LPGAT1: variants seen among roughly 807,000 people sequenced by gnomAD.
The protein encoded by LPGAT1 is lysophosphatidylglycerol acyltransferase 1.
In LPGAT1, 11 loss-of-function variants were observed where a neutral mutation model predicts 47.5. That is an observed-to-expected ratio of 0.23 (90% CI 0.15 to 0.38). The LOEUF is 0.38. Among genes scored for constraint, LPGAT1 ranks in the 10% least tolerant of loss-of-function variants. LPGAT1 has a pLI of 1.00. For synonymous variants in LPGAT1, 138 were observed against 144.2 expected, an observed-to-expected ratio of 0.96 and a Z score of 0.31; for missense variants, 293 against 439.0, an observed-to-expected ratio of 0.67 and a Z score of 2.97.
intron 4 of LPGAT1, 135 bp from the exon 5 acceptor site, chr1:211,783,637 C>A: frequency 3.0e-6 from 2 of 666,302 alleles, no homozygotes; most frequent in Non-Finnish European, 4.6e-6. Flanking sequence ...CCCACCCCAA[C>A]TTACTGCCCT....
intron 2 of LPGAT1, among the ~76,000 whole-genome samples, chr1:211,820,359 A>G (rs1310775633): frequency 6.6e-6 from 1 of 152,196 alleles, no homozygotes; most frequent in Non-Finnish European, 1.5e-5. Flanking sequence ...CTGTCAGAGT[A>G]CACTAAAAAA....
At chr1:211,759,458 A>G (rs879496006) in intron 6 of LPGAT1, among the ~76,000 whole-genome samples, 3 of 152,186 alleles carry the variant, frequency 2.0e-5, no homozygotes, top group Non-Finnish European at 4.4e-5. Flanking sequence ...TGTAGTTAAC[A>G]GTGTTTTCAA....
At chr1:211,813,061 A>G (rs1026447729) in intron 2 of LPGAT1, among the ~76,000 whole-genome samples, 5 of 152,230 alleles carry the variant, frequency 3.3e-5, no homozygotes, top group African/African-American at 1.2e-4. Context: ...TAAAAGAACT[A>G]CCACTGCAGA....
At chr1:211,759,273 G>GT (rs529927493) in intron 6 of LPGAT1, among the ~76,000 whole-genome samples, 1 of 151,188 alleles carries the variant, frequency 6.6e-6, no homozygotes, top group African/African-American at 2.4e-5. Context: ...TTTTGTTTTG[G>GT]TTTTTTTAGA....
chr1:211,784,864 T>C (rs985090171), intron 4 of LPGAT1, among the ~76,000 whole-genome samples: 15 of 148,824 alleles, frequency 1.0e-4, no homozygotes, highest in South Asian at 4.2e-4. Flanking sequence ...AGTGCAGTGG[T>C]GCGATCTCGG....
rs908758083 is a variant in LPGAT1 at position 211,745,209 on chromosome 1, C to T, written c.*4690G>A. On this transcript the variant is annotated 3_prime_UTR_variant, in exon 8 of 8. Coordinates refer to ENST00000366997, the MANE Select transcript of LPGAT1 (RefSeq NM_014873.3). Reference sequence around the variant, plus strand: ...AGCCTTTACATTCATTCTTATCACACGTTACAACATGCAGATAACACAAAG... The same window carrying T: ...AGCCTTTACATTCATTCTTATCACATGTTACAACATGCAGATAACACAAAG... 2.6e-5 allele frequency: 4 copies of T among 152,632 alleles called. No individual in the cohort carries two copies. Among genetic ancestry groups the T allele is most frequent in the East Asian group, 1.9e-4 (1 of 5,190 alleles). 9.5% of individuals were successfully genotyped at this position (152,632 alleles called of 1,614,324 possible).
At chr1:211,829,384 C>G in intron 1 of LPGAT1, 61 bp from the exon 2 acceptor site, 1 of 1,576,168 alleles carries the variant, frequency 6.3e-7, no homozygotes. Flanking sequence ...TAAACAGTCA[C>G]CAACATAGAA....
chr1:211,812,166 G>A (rs778245706), intron 2 of LPGAT1, among the ~76,000 whole-genome samples: 11 of 152,234 alleles, frequency 7.2e-5, no homozygotes, highest in Non-Finnish European at 1.3e-4. Context: ...GGTTATCTGT[G>A]TTGGCACAGA....
At chr1:211,810,484 T>C (rs905623571) in intron 2 of LPGAT1, among the ~76,000 whole-genome samples, 1 of 152,200 alleles carries the variant, frequency 6.6e-6, no homozygotes, top group African/African-American at 2.4e-5. Flanking sequence ...CCCTGTCATA[T>C]TCAGCTCTCA....
At chr1:211,821,114 G>A (rs1177694619) in intron 2 of LPGAT1, among the ~76,000 whole-genome samples, 2 of 152,140 alleles carry the variant, frequency 1.3e-5, no homozygotes, top group African/African-American at 2.4e-5. Flanking sequence ...AAATTAGCTG[G>A]GTGTGGTGGT....
At chr1:211,827,485 C>G (rs1356516527) in intron 2 of LPGAT1, among the ~76,000 whole-genome samples, 1 of 152,214 alleles carries the variant, frequency 6.6e-6, no homozygotes, top group Non-Finnish European at 1.5e-5. Flanking sequence ...ACTATACACA[C>G]GCACAAACAT....
chr1:211,767,776 A>G (rs1020660327), intron 6 of LPGAT1, among the ~76,000 whole-genome samples: 1 of 152,230 alleles, frequency 6.6e-6, no homozygotes, highest in Non-Finnish European at 1.5e-5. Context: ...AAGTCCTAGC[A>G]TAAGAAAAAC....
chr1:211,802,530 AC>A (rs1159821723), intron 2 of LPGAT1, among the ~76,000 whole-genome samples: 1 of 152,064 alleles, frequency 6.6e-6, no homozygotes, highest in African/African-American at 2.4e-5. Flanking sequence ...AAAAAAAAGG[AC>A]CTGCTGGAAA....
chr1:211,767,812 A>C (rs1317134980), intron 6 of LPGAT1, among the ~76,000 whole-genome samples: 4 of 152,196 alleles, frequency 2.6e-5, no homozygotes, highest in Non-Finnish European at 5.9e-5. Context: ...GTTTCCTTCT[A>C]CTGGGGAAAA....
chr1:211,786,978 T>C (rs542091600), intron 4 of LPGAT1, among the ~76,000 whole-genome samples: 7 of 152,234 alleles, frequency 4.6e-5, no homozygotes, highest in African/African-American at 1.7e-4. Context: ...TACATATTAT[T>C]CAAGTTTGGA....
Position 211,744,092 on chromosome 1 carries a change from G to A in LPGAT1, c.*5807C>T, listed in dbSNP as rs185842209. 2.0e-5 allele frequency: 3 copies of A among 152,208 alleles called. No individual in the cohort carries two copies. Among genetic ancestry groups the A allele is most frequent in the East Asian group, 1.9e-4 (1 of 5,188 alleles). 9.4% of individuals were successfully genotyped at this position (152,208 alleles called of 1,614,324 possible). On this transcript the variant is annotated 3_prime_UTR_variant, in exon 8 of 8. Coordinates refer to ENST00000366997, the MANE Select transcript of LPGAT1 (RefSeq NM_014873.3). ...TCACATTCTTCTAAATCAAAAGTTCGCTGTGTAGGACTGACATTAATGCTT... is the reference window on the plus strand; with the variant it reads ...TCACATTCTTCTAAATCAAAAGTTCACTGTGTAGGACTGACATTAATGCTT...
intron 7 of LPGAT1, 90 bp downstream of exon 7, chr1:211,750,871 T>G (rs1657147946): frequency 1.1e-6 from 1 of 936,952 alleles, no homozygotes; most frequent in Non-Finnish European, 1.6e-6. Flanking sequence ...ATTTTCAAGT[T>G]TCAAGATCTA....
intron 6 of LPGAT1, among the ~76,000 whole-genome samples, chr1:211,775,521 C>T (rs917511695): frequency 3.3e-5 from 5 of 152,080 alleles, no homozygotes; most frequent in Admixed American, 6.6e-5. Context: ...TCTATGAAAT[C>T]TACCTAAAAT....
chr1:211,765,206 A>C (rs1657857556), intron 6 of LPGAT1, among the ~76,000 whole-genome samples: 1 of 152,218 alleles, frequency 6.6e-6, no homozygotes, highest in Admixed American at 6.5e-5. Context: ...AGACTCAAAG[A>C]AAAGTTGTAA....
Sources: gnomAD v4.1 joint callset for allele counts (sites outside exome capture counted in the v4.1 genomes callset) on GRCh38, gnomAD v4.1.1 for gene constraint, MANE v1.5 for transcripts, NCBI Gene and HGNC (gene_info 2026-07-23, HGNC 2026-07-21) for gene names.